The following LRFN5 variants were observed in gnomAD, a reference collection of about 807,000 sequenced individuals.
LRFN5 encodes the protein leucine rich repeat and fibronectin type III domain containing 5, also known as leucine-rich repeat and fibronectin type-III domain-containing protein 5.
In LRFN5, 24 loss-of-function variants were observed where a neutral mutation model predicts 45.6. The ratio of observed to expected loss-of-function variants is 0.53; its 90% CI spans 0.38 to 0.74. The LOEUF (loss-of-function observed/expected upper bound fraction) is 0.74, where lower values mean the gene tolerates loss of function less well. Among genes scored for constraint, LRFN5 ranks in the 30% least tolerant of loss-of-function variants. LRFN5 has a pLI of 0.00. For missense variants in LRFN5, 776 were observed against 861.5 expected (o/e 0.90, Z 1.24); for synonymous variants, 340 against 313.8 (o/e 1.08, Z -0.88).
At chr14:41,623,102 T>A (rs571441753) in intron 1 of LRFN5, among the ~76,000 whole-genome samples, 1 of 152,274 alleles carries the variant, frequency 6.6e-6, no homozygotes, top group South Asian at 2.1e-4. Flanking sequence ...TCAGCTCTGC[T>A]ATTAAAGTTC....
intron 1 of LRFN5, among the ~76,000 whole-genome samples, chr14:41,634,151 T>C (rs1888647422): frequency 6.6e-6 from 1 of 152,192 alleles, no homozygotes; most frequent in African/African-American, 2.4e-5. Flanking sequence ...TACTATGTAA[T>C]AGTTCTCAGT....
intron 2 of LRFN5, among the ~76,000 whole-genome samples, chr14:41,843,883 T>C (rs1174310408): frequency 6.6e-6 from 1 of 151,754 alleles, no homozygotes; most frequent in Non-Finnish European, 1.5e-5. Flanking sequence ...ATATAGAAAA[T>C]AAGATATGGA....
At chr14:41,675,204 G>T (rs1881560149) in intron 1 of LRFN5, among the ~76,000 whole-genome samples, 1 of 152,182 alleles carries the variant, frequency 6.6e-6, no homozygotes. Context: ...ACGGGGTGGC[G>T]GCCAGGCAGA....
At chr14:41,718,662 G>A (rs934489013) in intron 1 of LRFN5, among the ~76,000 whole-genome samples, 4 of 152,104 alleles carry the variant, frequency 2.6e-5, no homozygotes, top group African/African-American at 7.2e-5. Flanking sequence ...TACATCTCAC[G>A]TCTTCCTGAC....
chr14:41,752,671 T>G (rs1885188078), intron 1 of LRFN5, among the ~76,000 whole-genome samples: 2 of 152,204 alleles, frequency 1.3e-5, no homozygotes, highest in South Asian at 4.1e-4. Flanking sequence ...TTAGCCCTTT[T>G]CTCAGATGAG....
At chr14:41,815,761 T>TATAAATAA (rs750312531) in intron 2 of LRFN5, among the ~76,000 whole-genome samples, 23 of 151,578 alleles carry the variant, frequency 1.5e-4, no homozygotes, top group African/African-American at 4.8e-4. Context: ...TAAAAATAAA[T>TATAAATAA]ATAAATAAAT....
intron 1 of LRFN5, among the ~76,000 whole-genome samples, chr14:41,671,579 A>C (rs1881214360): frequency 7.2e-6 from 1 of 138,704 alleles, no homozygotes; most frequent in African/African-American, 2.7e-5. Flanking sequence ...CCAATAGCTC[A>C]CCATTGTGTG....
intron 4 of LRFN5, among the ~76,000 whole-genome samples, chr14:41,896,561 A>G (rs1032419213): frequency 3.3e-5 from 5 of 152,176 alleles, no homozygotes; most frequent in African/African-American, 4.8e-5. Flanking sequence ...AAGTAAATTT[A>G]TATACAAGAA....
At chr14:41,765,792 A>C (rs572334591) in intron 1 of LRFN5, among the ~76,000 whole-genome samples, 2 of 152,216 alleles carry the variant, frequency 1.3e-5, no homozygotes, top group Non-Finnish European at 2.9e-5. Flanking sequence ...ACTTTTATTT[A>C]ATTGCACAAG....
intron 3 of LRFN5, 124 bp from the exon 4 acceptor site, chr14:41,891,126 A>C (rs192388279): frequency 1.3e-6 from 1 of 773,932 alleles, no homozygotes. Context: ...TCATTTTTCA[A>C]TAATTCATAT....
chr14:41,763,168 G>A (rs1349840025), intron 1 of LRFN5, among the ~76,000 whole-genome samples: 1 of 152,148 alleles, frequency 6.6e-6, no homozygotes, highest in Non-Finnish European at 1.5e-5. Context: ...GTTTTATGAT[G>A]AGTACTTTCA....
At chr14:41,711,778 GAC>G (rs1883294104) in intron 1 of LRFN5, among the ~76,000 whole-genome samples, 2 of 152,066 alleles carry the variant, frequency 1.3e-5, no homozygotes, top group South Asian at 4.1e-4. Flanking sequence ...TTATGAATAA[GAC>G]AATACAACCA....
intron 2 of LRFN5, among the ~76,000 whole-genome samples, chr14:41,852,797 A>G (rs1212164420): frequency 2.6e-5 from 4 of 151,966 alleles, no homozygotes; most frequent in Non-Finnish European, 4.4e-5. Context: ...TCATGAAACT[A>G]TCTGCATGTT....
intron 1 of LRFN5, among the ~76,000 whole-genome samples, chr14:41,681,710 C>T (rs1272699951): frequency 6.6e-6 from 1 of 151,838 alleles, no homozygotes; most frequent in East Asian, 1.9e-4. Flanking sequence ...GTACAAGACT[C>T]ACTAGTAAAA....
intron 2 of LRFN5, among the ~76,000 whole-genome samples, chr14:41,814,552 A>G (rs1448479082): frequency 6.6e-6 from 1 of 152,126 alleles, no homozygotes; most frequent in Non-Finnish European, 1.5e-5. Context: ...AGAAGCATCA[A>G]TTTATTTTAT....
chr14:41,832,685 G>T, intron 2 of LRFN5, among the ~76,000 whole-genome samples: 1 of 152,060 alleles, frequency 6.6e-6, no homozygotes, highest in East Asian at 1.9e-4. Flanking sequence ...CCCTTTCTCA[G>T]AACATATATC....
intron 1 of LRFN5, among the ~76,000 whole-genome samples, chr14:41,657,306 A>G (rs1444495616): frequency 6.6e-6 from 1 of 151,926 alleles, no homozygotes; most frequent in African/African-American, 2.4e-5. Flanking sequence ...CACAAGATGG[A>G]TACAGGATAA....
intron 1 of LRFN5, among the ~76,000 whole-genome samples, chr14:41,657,852 C>T (rs1427051942): frequency 2.0e-5 from 3 of 151,598 alleles, no homozygotes; most frequent in Admixed American, 1.3e-4. Context: ...TTCTTGCTTT[C>T]TCTCGCATAG....
At chr14:41,743,093 T>C (rs1884774670) in intron 1 of LRFN5, 2 of 154,940 alleles carry the variant, frequency 1.3e-5, no homozygotes, top group Admixed American at 6.5e-5. Flanking sequence ...TCTCATGGCA[T>C]GATCCATTCT....
Sources: allele counts gnomAD v4.1 joint callset (sites outside exome capture counted in the v4.1 genomes callset), GRCh38; gene constraint gnomAD v4.1.1; transcripts MANE v1.5; gene names NCBI Gene and HGNC (gene_info 2026-07-23, HGNC 2026-07-21).